Variants in GRID1 observed in about 807,000 individuals in gnomAD.
The protein encoded by GRID1 is glutamate ionotropic receptor delta type subunit 1.
In GRID1, 28 loss-of-function variants were observed where a neutral mutation model predicts 98.0. The observed-to-expected ratio is 0.29, with a 90% CI of 0.21 to 0.39. GRID1 has a LOEUF of 0.39. GRID1 is among the 10% of genes least tolerant of loss of function. The pLI, the probability that GRID1 is intolerant of heterozygous loss-of-function variation, is 1.00. For missense variants in GRID1, 1,111 were observed against 1,340.5 expected, an observed-to-expected ratio of 0.83 and a Z score of 2.67; for synonymous variants, 553 against 538.5, an observed-to-expected ratio of 1.03 and a Z score of -0.37.
chr10:85,911,964 C>G (rs934136090), intron 5 of GRID1, among the ~76,000 whole-genome samples: 8 of 152,214 alleles, frequency 5.3e-5, no homozygotes, highest in African/African-American at 1.9e-4. Context: ...CCAGAGAGGT[C>G]CTTTCCATCG....
intron 4 of GRID1, among the ~76,000 whole-genome samples, chr10:86,044,815 G>A (rs563123677): frequency 6.6e-6 from 1 of 151,668 alleles, no homozygotes; most frequent in South Asian, 2.1e-4. Context: ...GGCTCGTTTT[G>A]CAGGTTATCT....
At chr10:85,658,732 GTGAGGC>G (rs148323673) in intron 12 of GRID1, among the ~76,000 whole-genome samples, 2,379 of 152,222 alleles carry the variant, frequency 0.016, 62 homozygotes, top group African/African-American at 0.053. Context: ...CATGGGAAGG[GTGAGGC>G]TGAGGCTGAG....
At chr10:86,015,244 A>G (rs1012854312) in intron 4 of GRID1, among the ~76,000 whole-genome samples, 1 of 152,232 alleles carries the variant, frequency 6.6e-6, no homozygotes, top group African/African-American at 2.4e-5. Flanking sequence ...TATGGGTTGA[A>G]GAAACGCACA....
intron 4 of GRID1, among the ~76,000 whole-genome samples, chr10:86,035,260 T>C (rs1209944797): frequency 2.1e-4 from 32 of 152,244 alleles, no homozygotes; most frequent in Non-Finnish European, 1.5e-5. Context: ...GGAAGCTCCA[T>C]GCTAACAGAT....
At chr10:85,924,262 A>T (rs974550399) in intron 4 of GRID1, among the ~76,000 whole-genome samples, 1 of 152,182 alleles carries the variant, frequency 6.6e-6, no homozygotes, top group African/African-American at 2.4e-5. Context: ...ACCCATGCAT[A>T]TGGAACTAGT....
chr10:85,976,688 C>T (rs1842477697), intron 4 of GRID1, among the ~76,000 whole-genome samples: 1 of 152,222 alleles, frequency 6.6e-6, no homozygotes. Context: ...TCCAGTTCCC[C>T]AGTGTCCCTG....
chr10:86,181,608 A>G (rs1404463104), intron 3 of GRID1, among the ~76,000 whole-genome samples: 2 of 152,220 alleles, frequency 1.3e-5, no homozygotes, highest in Non-Finnish European at 2.9e-5. Context: ...TCCTTGAAGT[A>G]TAGACACTTT....
intron 8 of GRID1, among the ~76,000 whole-genome samples, chr10:85,756,655 A>G (rs906666048): frequency 1.3e-5 from 2 of 152,216 alleles, no homozygotes; most frequent in African/African-American, 4.8e-5. Context: ...TAAAACTTAC[A>G]AATTGTTTAT....
chr10:85,619,831 T>A (rs556208159), intron 14 of GRID1, 36 bp downstream of exon 14: 6 of 1,561,356 alleles, frequency 3.8e-6, no homozygotes, highest in Non-Finnish European at 5.3e-6. Context: ...ACTAGAGTCC[T>A]GAGGCAGCGG....
At position 86,363,986 on chromosome 10, in the gene GRID1, T is replaced by C. The variant is rs1278781680; in HGVS notation, c.190A>G (p.Ile64Val). ...ILQSEKITYS[I>V]KVIEANNPFQ... The stretch of plus-strand genomic sequence containing the variant: ...GGGTTGTTGGCCTCGATGACCTTGA[T>C]GGAGTAGGTGATCTTCTCGCTCTGC... The change falls in exon 2 of 16, where the codon ATC becomes GTC. Residue 64 changes from isoleucine (I) to valine (V), a missense_variant. This residue lies in a region of GRID1 where 346 missense variants were observed against 452.3 expected (regional missense o/e 0.76). Transcript: ENST00000327946. 4 of 1,614,008 alleles carry C rather than the reference T, an allele frequency of 2.5e-6. No homozygotes were observed. Among genetic ancestry groups the C allele is most frequent in the Non-Finnish European group, 3.4e-6 (4 of 1,179,848 alleles).
At chr10:86,196,522 C>A (rs1042861050) in intron 3 of GRID1, among the ~76,000 whole-genome samples, 1 of 151,980 alleles carries the variant, frequency 6.6e-6, no homozygotes, top group Non-Finnish European at 1.5e-5. Flanking sequence ...GCCAGTGTGC[C>A]CAGAAGCACG....
At chr10:85,717,927 T>A (rs971963997) in intron 12 of GRID1, among the ~76,000 whole-genome samples, 1 of 152,150 alleles carries the variant, frequency 6.6e-6, no homozygotes, top group Non-Finnish European at 1.5e-5. Context: ...AGTCAGATTT[T>A]AAGCTCCAAA....
chr10:85,743,909 T>C (rs1290268522), intron 8 of GRID1, among the ~76,000 whole-genome samples: 1 of 152,174 alleles, frequency 6.6e-6, no homozygotes, highest in Non-Finnish European at 1.5e-5. Flanking sequence ...AGATAGTTCA[T>C]AGATTAAGTA....
intron 4 of GRID1, among the ~76,000 whole-genome samples, chr10:86,118,577 G>C (rs565673817): frequency 9.9e-5 from 15 of 152,212 alleles, no homozygotes; most frequent in Non-Finnish European, 1.6e-4. Context: ...ACTCTTGAGA[G>C]ATGGAGTGTA....
chr10:86,289,855 G>A (rs1042371118), intron 2 of GRID1, among the ~76,000 whole-genome samples: 1 of 152,206 alleles, frequency 6.6e-6, no homozygotes, highest in African/African-American at 2.4e-5. Flanking sequence ...TCCAAACAGG[G>A]ACTCTTACTT....
At chr10:85,909,504 A>C (rs534079536) in intron 5 of GRID1, among the ~76,000 whole-genome samples, 145 of 152,374 alleles carry the variant, frequency 9.5e-4, no homozygotes, top group African/African-American at 3.4e-3. Flanking sequence ...CCAAATGTCC[A>C]TCAACAGCGG....
In GRID1 at chr10:85,930,237, T is replaced by TTAACTACAAATAACTTGCGGTTATTTA. The variant is rs1373832921; in HGVS notation, c.727-14025_727-13999dup. On this transcript the variant is annotated intron_variant, in intron 4 of 15. Transcript: ENST00000327946. ...AACTACAAATAACTTGCGGTTATTTTTAACTACAAATAACTTGCGGTTATT... is the reference window on the plus strand; with the variant it reads ...AACTACAAATAACTTGCGGTTATTTTTAACTACAAATAACTTGCGGTTATTTATAACTACAAATAACTTGCGGTTATT... Among the ~76,000 whole-genome samples, 3 of 139,960 alleles carry TTAACTACAAATAACTTGCGGTTATTTA rather than the reference T, an allele frequency of 2.1e-5. 1 individual carries two copies. The highest frequency in any genetic ancestry group is 4.7e-5 in the Non-Finnish European group (3 of 64,366). The allele number at this position is 139,960 out of a possible 152,430, so 91.8% of individuals were successfully genotyped here.
chr10:85,688,977 C>G (rs1185982719), intron 12 of GRID1, among the ~76,000 whole-genome samples: 1 of 152,130 alleles, frequency 6.6e-6, no homozygotes, highest in East Asian at 1.9e-4. Flanking sequence ...TATTTTCAGG[C>G]AGCTTGTCAG....
chr10:86,228,733 C>CCA (rs36088084), intron 2 of GRID1, among the ~76,000 whole-genome samples: 1 of 151,816 alleles, frequency 6.6e-6, no homozygotes, highest in African/African-American at 2.4e-5. Flanking sequence ...CAAGAGACAC[C>CCA]CACACACACA....
Sources: gnomAD v4.1 joint callset for allele counts (sites outside exome capture counted in the v4.1 genomes callset) on GRCh38, gnomAD v4.1.1 for gene constraint, gnomAD v4.1.1 regional missense constraint, MANE v1.5 for transcripts, NCBI Gene and HGNC (gene_info 2026-07-23, HGNC 2026-07-21) for gene names.